Variants in WIPF3 observed in about 807,000 individuals in gnomAD.
WIPF3 encodes the protein WAS/WASL interacting protein family member 3, also known as WAS/WASL-interacting protein family member 3.
Under a neutral mutation model 38.9 loss-of-function variants are expected in WIPF3, and 33 were observed. The observed-to-expected ratio is 0.85, with a 90% CI of 0.64 to 1.14. The LOEUF (loss-of-function observed/expected upper bound fraction) is 1.14, where lower values mean the gene tolerates loss of function less well. WIPF3 is among the 50% of genes most tolerant of loss of function. WIPF3 has a pLI of 0.00. For synonymous variants in WIPF3, 324 were observed against 269.3 expected, an observed-to-expected ratio of 1.20 and a Z score of -1.99; for missense variants, 711 against 652.5, an observed-to-expected ratio of 1.09 and a Z score of -0.98.
At chr7:29,873,067 T>C (rs1312920679) in intron 2 of WIPF3, among the ~76,000 whole-genome samples, 3 of 152,160 alleles carry the variant, frequency 2.0e-5, no homozygotes, top group Non-Finnish European at 4.4e-5. Flanking sequence ...AAAGTTAAAA[T>C]CATCATTTTA....
At chr7:29,854,808 C>T (rs956810083) in intron 2 of WIPF3, among the ~76,000 whole-genome samples, 1 of 152,120 alleles carries the variant, frequency 6.6e-6, no homozygotes, top group Non-Finnish European at 1.5e-5. Context: ...AGAGAGAGGG[C>T]CTTTGAAAAG....
chr7:29,858,618 C>T (rs1470915865), intron 2 of WIPF3, among the ~76,000 whole-genome samples: 2 of 152,170 alleles, frequency 1.3e-5, no homozygotes, highest in East Asian at 1.9e-4. Context: ...AAAGACTTTT[C>T]GATGATGATT....
At chr7:29,842,656 G>A (rs946890699) in intron 2 of WIPF3, among the ~76,000 whole-genome samples, 2 of 152,140 alleles carry the variant, frequency 1.3e-5, no homozygotes, top group African/African-American at 4.8e-5. Context: ...TGCATGCAGT[G>A]TAGAAAAACA....
At position 29,914,701 on chromosome 7, in the gene WIPF3, TA is replaced by T; in HGVS notation, c.*186del. The T allele has an allele frequency of 2.3e-6, 1 of 436,766 alleles. No homozygotes were observed. Among genetic ancestry groups the T allele is most frequent in the Non-Finnish European group, 4.1e-6 (1 of 246,736 alleles). 27.1% of individuals were successfully genotyped at this position (436,766 alleles called of 1,614,324 possible). A position where few individuals can be genotyped will look rare whatever the true frequency, so the allele number is the denominator to read the frequency against. ...TTTTAATTGACTTTTATTTCGGTAA[TA>T]TTTTTTAAAACACCCCTCATTTTTC... On this transcript the variant is annotated 3_prime_UTR_variant, in exon 9 of 9. Transcript: ENST00000242140.
At chr7:29,814,853 T>A (rs1039270184) in intron 1 of WIPF3, among the ~76,000 whole-genome samples, 4 of 152,176 alleles carry the variant, frequency 2.6e-5, no homozygotes, top group African/African-American at 9.7e-5. Context: ...CAACCATGAC[T>A]GCCCAGGGAA....
chr7:29,844,966 C>G lies in WIPF3; in HGVS notation c.90+10152C>G, dbSNP rs901905494. 4.6e-5 allele frequency among the ~76,000 whole-genome samples: 7 copies of G among 152,040 alleles called. No individual in the cohort carries two copies. In the East Asian group the frequency reaches 7.7e-4, roughly 17 times the overall value. On this transcript the variant is annotated intron_variant, in intron 2 of 8. Transcript: ENST00000242140. The surrounding 1 kb of genome is among the most constrained non-coding windows in gnomAD (Gnocchi z 4.8). ...CCAGGAAGTCAATGGATTCGGCTCC[C>G]CATACCTTGGCCAGAGCTTCCACAT...
chr7:29,821,868 G>A (rs1325582529), intron 1 of WIPF3, among the ~76,000 whole-genome samples: 1 of 152,022 alleles, frequency 6.6e-6, no homozygotes, highest in Non-Finnish European at 1.5e-5. Flanking sequence ...GCTTCTTCTA[G>A]TGTGTTCTTC....
chr7:29,824,550 TAAA>T (rs398047618), intron 1 of WIPF3, among the ~76,000 whole-genome samples: 1 of 135,686 alleles, frequency 7.4e-6, no homozygotes. Context: ...GATGTATTTT[TAAA>T]AAAAAAAAAA....
At chr7:29,826,851 A>C (rs981388814) in intron 1 of WIPF3, among the ~76,000 whole-genome samples, 10 of 152,318 alleles carry the variant, frequency 6.6e-5, no homozygotes, top group Non-Finnish European at 1.5e-4. Flanking sequence ...TATGGTGCTT[A>C]AGAGCCTGGC....
intron 1 of WIPF3, among the ~76,000 whole-genome samples, chr7:29,821,839 C>T (rs2128062843): frequency 6.6e-6 from 1 of 152,262 alleles, no homozygotes; most frequent in Admixed American, 6.5e-5. Flanking sequence ...GTGTTTTCAA[C>T]AATACCTGTT....
chr7:29,866,269 T>C (rs1785386047), intron 2 of WIPF3, among the ~76,000 whole-genome samples: 1 of 152,248 alleles, frequency 6.6e-6, no homozygotes, highest in African/African-American at 2.4e-5. Flanking sequence ...TTAGTTATTT[T>C]CATTACCTTT....
intron 8 of WIPF3, chr7:29,905,666 G>A (rs12532093): frequency 0.47 from 71,896 of 151,806 alleles, 18,642 homozygotes; most frequent in East Asian, 0.78. Context: ...TGGGGAATCT[G>A]TTCTCTGATT....
intron 1 of WIPF3, among the ~76,000 whole-genome samples, chr7:29,817,668 A>G (rs1422023422): frequency 6.6e-6 from 1 of 152,110 alleles, no homozygotes; most frequent in Non-Finnish European, 1.5e-5. Flanking sequence ...TTCCAAAAAT[A>G]CCTAGGTCAA....
chr7:29,898,087 C>T (rs373129158), intron 7 of WIPF3, among the ~76,000 whole-genome samples: 10 of 152,308 alleles, frequency 6.6e-5, no homozygotes, highest in African/African-American at 1.4e-4. Context: ...CCATGGTAAG[C>T]GCTCTTACCA....
chr7:29,879,053 C>T lies in WIPF3; in HGVS notation c.268C>T (p.Arg90Ter), dbSNP rs745317475. 91 of 1,605,924 alleles carry T rather than the reference C, an allele frequency of 5.7e-5. 1 individual carries two copies. Among genetic ancestry groups the T allele is most frequent in the South Asian group, 2.2e-5 (2 of 89,356 alleles). Residue 90 changes from arginine to a stop codon, truncating the protein, a stop_gained, in exon 4 of 9, where the codon CGA (arginine) becomes TGA (stop). Coordinates refer to ENST00000242140, the MANE Select transcript of WIPF3 (RefSeq NM_001080529.3). LOFTEE classifies it high-confidence loss of function. The part of the protein sequence containing the change: ...NKEGGGSANT[R>*]GASTPPTLGD... Reference sequence around the variant, plus strand: ...AGAAGGAGGAGGTTCTGCAAACACACGAGGCGCGAGCACACCTCCCACCCT... The same window carrying T: ...AGAAGGAGGAGGTTCTGCAAACACATGAGGCGCGAGCACACCTCCCACCCT...
At chr7:29,881,475 A>G (rs1281638699) in intron 4 of WIPF3, among the ~76,000 whole-genome samples, 1 of 152,216 alleles carries the variant, frequency 6.6e-6, no homozygotes, top group African/African-American at 2.4e-5. Context: ...ACCCATGAAA[A>G]TATTTAAATT....
At chr7:29,822,123 G>GTGT (rs1554341889) in intron 1 of WIPF3, among the ~76,000 whole-genome samples, 4 of 62,836 alleles carry the variant, frequency 6.4e-5, no homozygotes, top group South Asian at 5.6e-4. Flanking sequence ...TTTTTTCTTA[G>GTGT]TTTTTTTTTT....
rs2301922 is a variant in WIPF3 at position 29,875,977 on chromosome 7, G to C, written c.223+15G>C. 0.27 allele frequency: 437,883 copies of C among 1,610,772 alleles called. 62,183 individuals carry two copies. Among genetic ancestry groups the C allele is most frequent in the African/African-American group, 0.37 (27,392 of 74,910 alleles). ...GCAGATCGAGAGTAAGTGAGCAGCC[G>C]GGCCAGGCCTCCTGTGAGCCAAAGA... On this transcript the variant is annotated intron_variant, in intron 3 of 8. Coordinates refer to ENST00000242140, the MANE Select transcript of WIPF3 (RefSeq NM_001080529.3).
In WIPF3 at chr7:29,884,578, A is replaced by T; in HGVS notation, c.1084A>T (p.Arg362Trp). 6.2e-7 allele frequency: 1 copy of T among 1,605,164 alleles called. No homozygotes were observed. The highest frequency in any genetic ancestry group is 8.5e-7 in the Non-Finnish European group (1 of 1,177,174). Residue 362 changes from arginine to tryptophan, a missense_variant, in exon 5 of 9, where the codon AGG becomes TGG. Physicochemically the swap from Arg to Trp is moderately radical, Grantham distance 101 (BLOSUM62 -3). Coordinates refer to ENST00000242140, the MANE Select transcript of WIPF3 (RefSeq NM_001080529.3). The part of the protein sequence containing the change: ...PGSQPFLQKK[R>W]HGRPGAGGGK... ...CTCCCAGCCGTTCCTGCAGAAGAAG[A>T]GGCATGGCCGACCAGGTAAGGAGCG...
Sources: gnomAD v4.1 joint callset for allele counts (sites outside exome capture counted in the v4.1 genomes callset) on GRCh38, gnomAD v4.1.1 for gene constraint, Gnocchi (gnomAD v3.1) non-coding constraint, MANE v1.5 for transcripts, NCBI Gene and HGNC (gene_info 2026-07-23, HGNC 2026-07-21) for gene names.